Variants in HTR1F observed in about 807,000 individuals in gnomAD.
HTR1F encodes 5-hydroxytryptamine receptor 1F, also known as 5-hydroxytryptamine (serotonin) receptor 1F, G protein-coupled.
In HTR1F, 17 loss-of-function variants were observed where a neutral mutation model predicts 24.0. The ratio of observed to expected loss-of-function variants is 0.71; its 90% CI spans 0.48 to 1.06. The LOEUF (loss-of-function observed/expected upper bound fraction) is 1.06, where lower values mean the gene tolerates loss of function less well. HTR1F is among the 50% of genes least tolerant of loss of function. HTR1F has a pLI of 0.00. For missense variants in HTR1F, 391 were observed against 427.8 expected (o/e 0.91, Z 0.76); for synonymous variants, 186 against 156.8 (o/e 1.19, Z -1.39).
chr3:87,882,553 T>C (rs1362983726), intron 2 of HTR1F, among the ~76,000 whole-genome samples: 1 of 152,064 alleles, frequency 6.6e-6, no homozygotes, highest in Non-Finnish European at 1.5e-5. Context: ...TCATGTCCTT[T>C]GTAGGGACAT....
intron 2 of HTR1F, among the ~76,000 whole-genome samples, chr3:87,944,561 T>C (rs1270318100): frequency 1.3e-5 from 2 of 152,248 alleles, no homozygotes; most frequent in Non-Finnish European, 2.9e-5. Flanking sequence ...CTTTGTATAG[T>C]AATTAAGATT....
chr3:87,871,734 A>G (rs1332770129), intron 2 of HTR1F, among the ~76,000 whole-genome samples: 12 of 152,152 alleles, frequency 7.9e-5, no homozygotes, highest in Non-Finnish European at 2.9e-5. Flanking sequence ...CAGAAATTCT[A>G]TAGGCCAGAA....
intron 1 of HTR1F, among the ~76,000 whole-genome samples, chr3:87,820,728 A>G (rs903174826): frequency 1.1e-4 from 17 of 152,140 alleles, no homozygotes; most frequent in African/African-American, 4.1e-4. Flanking sequence ...TAATAAATTT[A>G]TTATGATTAG....
chr3:87,818,922 T>C (rs1704301852), intron 1 of HTR1F, among the ~76,000 whole-genome samples: 2 of 152,180 alleles, frequency 1.3e-5, no homozygotes, highest in Non-Finnish European at 2.9e-5. Flanking sequence ...CCTCAACAAC[T>C]AGCACCTTAT....
intron 2 of HTR1F, among the ~76,000 whole-genome samples, chr3:87,946,267 A>G (rs1704702251): frequency 6.6e-6 from 1 of 152,210 alleles, no homozygotes; most frequent in South Asian, 2.1e-4. Context: ...ACTTCGAGCA[A>G]AAGCTCAGCT....
At chr3:87,922,577 A>C (rs1704033630) in intron 2 of HTR1F, among the ~76,000 whole-genome samples, 1 of 151,824 alleles carries the variant, frequency 6.6e-6, no homozygotes, top group African/African-American at 2.4e-5. Context: ...CTTATTTATA[A>C]AATTTATAAA....
At chr3:87,900,704 G>C (rs1310054404) in intron 2 of HTR1F, among the ~76,000 whole-genome samples, 2 of 152,168 alleles carry the variant, frequency 1.3e-5, no homozygotes, top group Non-Finnish European at 2.9e-5. Context: ...TTGCTGATGT[G>C]TTAAATACAT....
At chr3:87,926,883 T>C (rs1576040413) in intron 2 of HTR1F, among the ~76,000 whole-genome samples, 1 of 152,192 alleles carries the variant, frequency 6.6e-6, no homozygotes, top group African/African-American at 2.4e-5. Context: ...TGAAGATTAA[T>C]CAGTAACATA....
At chr3:87,946,018 G>C (rs1157922179) in intron 2 of HTR1F, among the ~76,000 whole-genome samples, 2 of 152,178 alleles carry the variant, frequency 1.3e-5, no homozygotes, top group Admixed American at 6.5e-5. Flanking sequence ...CGCAGTGAGT[G>C]TTATAGCTCT....
At chr3:87,954,337 A>AC (rs1704898785) in intron 2 of HTR1F, among the ~76,000 whole-genome samples, 2 of 151,778 alleles carry the variant, frequency 1.3e-5, no homozygotes, top group Non-Finnish European at 3.0e-5. Flanking sequence ...TGTATCAATT[A>AC]AAAAGTAGGA....
At chr3:87,970,824 T>C (rs1281615833) in intron 2 of HTR1F, among the ~76,000 whole-genome samples, 1 of 152,236 alleles carries the variant, frequency 6.6e-6, no homozygotes, top group Non-Finnish European at 1.5e-5. Flanking sequence ...CACAGCAAGA[T>C]ATATAATCCA....
chr3:87,843,684 C>A (rs1165485762), intron 2 of HTR1F, among the ~76,000 whole-genome samples: 1 of 135,554 alleles, frequency 7.4e-6, no homozygotes, highest in Non-Finnish European at 1.5e-5. Context: ...CCCCCTCCCC[C>A]ACCCCACAAC....
intron 2 of HTR1F, among the ~76,000 whole-genome samples, chr3:87,849,536 A>T (rs1705031717): frequency 6.6e-6 from 1 of 151,990 alleles, no homozygotes; most frequent in African/African-American, 2.4e-5. Context: ...ACCATTCAGG[A>T]CATAGGCATG....
chr3:87,878,609 C>G (rs1205743932), intron 2 of HTR1F, among the ~76,000 whole-genome samples: 3 of 152,114 alleles, frequency 2.0e-5, no homozygotes, highest in Non-Finnish European at 4.4e-5. Flanking sequence ...GCTCTCAGAT[C>G]TACTCTGTTG....
intron 2 of HTR1F, among the ~76,000 whole-genome samples, chr3:87,955,885 T>C (rs1432328123): frequency 6.6e-6 from 1 of 151,464 alleles, no homozygotes; most frequent in East Asian, 1.9e-4. Flanking sequence ...GTGAGTTTTT[T>C]TAAATGAGTT....
At chr3:87,931,381 T>C (rs1283192373) in intron 2 of HTR1F, among the ~76,000 whole-genome samples, 1 of 152,210 alleles carries the variant, frequency 6.6e-6, no homozygotes, top group Non-Finnish European at 1.5e-5. Context: ...CGTGAACTCA[T>C]CATTTCTTAT....
chr3:87,915,458 T>A (rs753727019), intron 2 of HTR1F, among the ~76,000 whole-genome samples: 1 of 151,878 alleles, frequency 6.6e-6, no homozygotes, highest in Non-Finnish European at 1.5e-5. Context: ...AAAAAAACGA[T>A]ACAAGAAGTG....
At chr3:87,833,808 A>G (rs745458644) in intron 2 of HTR1F, among the ~76,000 whole-genome samples, 7 of 152,154 alleles carry the variant, frequency 4.6e-5, no homozygotes, top group Admixed American at 1.3e-4. Flanking sequence ...TGCCCGGCCT[A>G]TAAAGCCCTT....
intron 2 of HTR1F, among the ~76,000 whole-genome samples, chr3:87,897,802 C>T (rs1247826880): frequency 6.6e-6 from 1 of 152,050 alleles, no homozygotes. Context: ...TCCTATCTTC[C>T]CACAGTGTCC....
Sources: allele counts gnomAD v4.1 joint callset (sites outside exome capture counted in the v4.1 genomes callset), GRCh38; gene constraint gnomAD v4.1.1; transcripts MANE v1.5; gene names NCBI Gene and HGNC (gene_info 2026-07-23, HGNC 2026-07-21).